XKR9: variants seen among roughly 807,000 people sequenced by gnomAD.
XKR9 encodes XK related 9, also known as XK-related protein 9.
Under a neutral mutation model 32.0 loss-of-function variants are expected in XKR9, and 32 were observed. The ratio of observed to expected loss-of-function variants is 1.00; its 90% CI spans 0.76 to 1.34. The LOEUF is 1.34. Among genes scored for constraint, XKR9 ranks in the 40% most tolerant of loss-of-function variants. XKR9 has a pLI of 0.00. For synonymous variants in XKR9, 168 were observed against 143.4 expected, an observed-to-expected ratio of 1.17 and a Z score of -1.22; for missense variants, 546 against 429.7, an observed-to-expected ratio of 1.27 and a Z score of -2.39.
At chr8:71,033,135 T>G in the XKR9 span, among the ~76,000 whole-genome samples, 1 of 151,266 alleles carries the variant, frequency 6.6e-6, no homozygotes. Flanking sequence ...AAATAACCTA[T>G]AATATAATTT....
chr8:70,733,342 C>A (rs1180637819), intron 4 of XKR9, among the ~76,000 whole-genome samples: 1 of 151,726 alleles, frequency 6.6e-6, no homozygotes, highest in Non-Finnish European at 1.5e-5. Flanking sequence ...CTTCCCTTAC[C>A]CCTGCTTGAA....
intron 3 of XKR9, among the ~76,000 whole-genome samples, chr8:70,687,389 T>TTCTTTCTCTC (rs1563422938): frequency 1.3e-5 from 2 of 149,264 alleles, no homozygotes; most frequent in African/African-American, 5.0e-5. Context: ...TTCTTTCTCT[T>TTCTTTCTCTC]TCTCTTTCTC....
the XKR9 span, among the ~76,000 whole-genome samples, chr8:70,818,564 T>G: frequency 1.3e-5 from 2 of 152,198 alleles, no homozygotes; most frequent in Non-Finnish European, 2.9e-5. Context: ...AGTAAATGAA[T>G]ATATCTGAGT....
chr8:70,707,178 T>C, intron 4 of XKR9, 25 bp downstream of exon 4: 2 of 1,587,376 alleles, frequency 1.3e-6, no homozygotes, highest in Non-Finnish European at 1.7e-6. Context: ...ACTCCTTGTG[T>C]TAAATGGATG....
chr8:70,776,947 C>CTCTCTCTCTATATA, intron 2 of XKR9, among the ~76,000 whole-genome samples: 2,567 of 54,172 alleles, frequency 0.047, 124 homozygotes, highest in East Asian at 0.094. Context: ...CTCTCTCTCT[C>CTCTCTCTCTATATA]TATATATATA....
At chr8:71,035,083 A>G in the XKR9 span, among the ~76,000 whole-genome samples, 10 of 152,310 alleles carry the variant, frequency 6.6e-5, no homozygotes, top group Non-Finnish European at 1.0e-4. Flanking sequence ...AATACGTGGG[A>G]GTGGAATTGC....
chr8:70,821,270 C>G, the XKR9 span, among the ~76,000 whole-genome samples: 1 of 152,250 alleles, frequency 6.6e-6, no homozygotes, highest in South Asian at 2.1e-4. Flanking sequence ...CCAGGTCACA[C>G]TGATGCAAGA....
the XKR9 span, among the ~76,000 whole-genome samples, chr8:70,797,995 A>G: frequency 6.6e-6 from 1 of 152,208 alleles, no homozygotes; most frequent in Non-Finnish European, 1.5e-5. Context: ...GCTATTGTGA[A>G]TAGCACTGCA....
chr8:70,842,418 G>A, the XKR9 span, among the ~76,000 whole-genome samples: 1 of 152,234 alleles, frequency 6.6e-6, no homozygotes, highest in Non-Finnish European at 1.5e-5. Context: ...AATGTAGACT[G>A]GAATTTGGAA....
At chr8:70,783,948 A>T (rs1157624606) in intron 2 of XKR9, among the ~76,000 whole-genome samples, 1 of 152,176 alleles carries the variant, frequency 6.6e-6, no homozygotes, top group Non-Finnish European at 1.5e-5. Flanking sequence ...GACACCATTT[A>T]TTGAAGAGAC....
chr8:70,742,492 GT>G (rs1269807587), intron 2 of XKR9, among the ~76,000 whole-genome samples: 1 of 151,966 alleles, frequency 6.6e-6, no homozygotes, highest in Admixed American at 6.6e-5. Context: ...AGTGTTCTTC[GT>G]TTTTTTCTGA....
At chr8:70,835,684 G>T in the XKR9 span, among the ~76,000 whole-genome samples, 10 of 152,006 alleles carry the variant, frequency 6.6e-5, no homozygotes, top group African/African-American at 2.2e-4. Flanking sequence ...CCCTGCTTAA[G>T]TATAGTCTAA....
At chr8:70,842,493 C>T in the XKR9 span, among the ~76,000 whole-genome samples, 2 of 151,454 alleles carry the variant, frequency 1.3e-5, no homozygotes, top group Admixed American at 6.6e-5. Flanking sequence ...GTTGCTATTC[C>T]CAGGCCAGAG....
the XKR9 span, among the ~76,000 whole-genome samples, chr8:70,991,910 T>C: frequency 2.9e-5 from 2 of 68,092 alleles, no homozygotes; most frequent in Non-Finnish European, 5.6e-5. Context: ...GTTGTCTTTG[T>C]TACCTGTTGA....
the XKR9 span, among the ~76,000 whole-genome samples, chr8:70,895,883 C>A: frequency 6.6e-6 from 1 of 151,204 alleles, no homozygotes; most frequent in African/African-American, 2.4e-5. Context: ...CTGTAATAGT[C>A]CCAACCACTG....
the XKR9 span, among the ~76,000 whole-genome samples, chr8:70,889,303 G>A: frequency 6.6e-6 from 1 of 151,774 alleles, no homozygotes; most frequent in African/African-American, 2.4e-5. Flanking sequence ...TGGTGATTTA[G>A]TGCCCTACAA....
the XKR9 span, among the ~76,000 whole-genome samples, chr8:70,899,951 A>G: frequency 6.3e-3 from 967 of 152,290 alleles, 11 homozygotes; most frequent in African/African-American, 0.022. Flanking sequence ...CAGAATAATG[A>G]TTCAAAAAAG....
the XKR9 span, among the ~76,000 whole-genome samples, chr8:70,997,549 T>G: frequency 2.0e-5 from 3 of 151,558 alleles, no homozygotes. Context: ...CACTCATAAG[T>G]GAGAGCTAAG....
chr8:70,920,867 T>C, the XKR9 span, among the ~76,000 whole-genome samples: 1 of 152,152 alleles, frequency 6.6e-6, no homozygotes, highest in African/African-American at 2.4e-5. Context: ...TTTAGAAATA[T>C]GAATATTAAG....
Sources: allele counts gnomAD v4.1 joint callset (sites outside exome capture counted in the v4.1 genomes callset), GRCh38; gene constraint gnomAD v4.1.1; transcripts MANE v1.5; gene names NCBI Gene and HGNC (gene_info 2026-07-23, HGNC 2026-07-21).